The following MAST2 variants were observed in gnomAD, a reference collection of about 807,000 sequenced individuals.
The protein encoded by MAST2 is microtubule-associated serine/threonine-protein kinase 2.
A neutral mutation model predicts 147.4 loss-of-function variants in MAST2; 70 were observed. The observed-to-expected ratio is 0.47, with a 90% CI of 0.39 to 0.58. The LOEUF (loss-of-function observed/expected upper bound fraction) is 0.58, where lower values mean the gene tolerates loss of function less well. Ranked by LOEUF, MAST2 falls within the 20% of genes least tolerant of loss-of-function variation. MAST2 has a pLI of 0.00. For synonymous variants in MAST2, 869 were observed against 896.8 expected, an observed-to-expected ratio of 0.97 and a Z score of 0.55; for missense variants, 2,080 against 2,302.3, an observed-to-expected ratio of 0.90 and a Z score of 1.98.
rs368248423 is a variant in MAST2 at position 45,820,190 on chromosome 1, T to C, written c.178-4243T>C. ...GAAACTAGATCCCTATCTCTTCCCA[T>C]ATACAAAAATCAAAAATGTATTAAA... On this transcript the variant is annotated intron_variant, in intron 1 of 28. Transcript: ENST00000361297. Among the ~76,000 whole-genome samples the C allele has an allele frequency of 3.9e-4, 60 of 152,314 alleles. 1 individual carries two copies. In the South Asian group the frequency reaches 0.012, roughly 29 times the overall value.
chr1:45,913,441 C>T (rs1037478948), intron 4 of MAST2: 6 of 223,974 alleles, frequency 2.7e-5, no homozygotes, highest in Non-Finnish European at 3.7e-5. Flanking sequence ...TTTTTACTGC[C>T]GCCAGGCCTC....
intron 5 of MAST2, among the ~76,000 whole-genome samples, chr1:45,981,409 G>A (rs1015168755): frequency 6.6e-6 from 1 of 152,002 alleles, no homozygotes; most frequent in African/African-American, 2.4e-5. Context: ...GGTGGGCAGG[G>A]GGCTAGGGAA....
chr1:46,029,730 C>A, intron 19 of MAST2, 101 bp from the exon 20 acceptor site: 1 of 1,468,378 alleles, frequency 6.8e-7, no homozygotes, highest in East Asian at 2.3e-5. Flanking sequence ...GAGCTGATCC[C>A]CTAGGTATAG....
rs1553226687 is a variant in MAST2, at chr1:45,899,310, T to TTTTC, written c.500+16918_500+16919insCTTT. Among the ~76,000 whole-genome samples, 15 of 146,468 alleles carry TTTTC rather than the reference T, an allele frequency of 1.0e-4. 2 individuals are homozygous for TTTTC. The highest frequency in any genetic ancestry group is 4.3e-4 in the South Asian group (2 of 4,630). On this transcript the variant is annotated intron_variant, in intron 4 of 28. Coordinates refer to ENST00000361297, the MANE Select transcript of MAST2 (RefSeq NM_015112.3). ...AAAAATATTTTTCCTTTCTTTTCTT[T>TTTTC]TTTTTTTTTTTTTTTTTAGATTCAG...
At position 45,993,873 on chromosome 1, in the gene MAST2, C is replaced by T. The variant is rs558336988; in HGVS notation, c.593-3851C>T. The stretch of plus-strand genomic sequence containing the variant: ...CAAATTTGAGGTTTCTTACTACCTC[C>T]TGAGTTCAGTAATTCACTAGAATGA... On this transcript the variant is annotated intron_variant, in intron 5 of 28. Coordinates refer to ENST00000361297, the MANE Select transcript of MAST2 (RefSeq NM_015112.3). Among the ~76,000 whole-genome samples, 12 of 152,220 alleles carry T rather than the reference C, an allele frequency of 7.9e-5. No homozygotes were observed. In the South Asian group the frequency reaches 2.3e-3, roughly 29 times the overall value.
intron 3 of MAST2, among the ~76,000 whole-genome samples, chr1:45,860,830 C>G (rs1405315756): frequency 2.0e-5 from 3 of 151,386 alleles, no homozygotes; most frequent in Admixed American, 6.6e-5. Flanking sequence ...GAAACTCCGT[C>G]TCCAAAAAAA....
intron 3 of MAST2, among the ~76,000 whole-genome samples, chr1:45,880,225 A>G (rs1201118256): frequency 1.3e-5 from 2 of 152,246 alleles, no homozygotes; most frequent in Non-Finnish European, 2.9e-5. Context: ...TATATTATTC[A>G]TATTGCCATT....
chr1:45,970,071 C>T (rs1643857080), intron 5 of MAST2, among the ~76,000 whole-genome samples: 1 of 152,170 alleles, frequency 6.6e-6, no homozygotes, highest in Non-Finnish European at 1.5e-5. Flanking sequence ...AAGTTAGATG[C>T]AAACAAAATA....
At chr1:45,893,496 C>T (rs1454551619) in intron 4 of MAST2, among the ~76,000 whole-genome samples, 2 of 151,868 alleles carry the variant, frequency 1.3e-5, no homozygotes, top group African/African-American at 4.8e-5. Context: ...CTGCCTCAGC[C>T]TCCCAAAACG....
chr1:45,988,938 G>A (rs774127666), intron 5 of MAST2, among the ~76,000 whole-genome samples: 46 of 152,072 alleles, frequency 3.0e-4, no homozygotes, highest in Non-Finnish European at 4.6e-4. Context: ...AGAATCAGCC[G>A]TTTCTCCAAG....
Position 46,022,886 on chromosome 1 carries a change from C to A in MAST2, c.1424-24C>A, listed in dbSNP as rs759000934. 9 of 1,600,002 alleles carry A rather than the reference C, an allele frequency of 5.6e-6. 1 individual carries two copies. The highest frequency in any genetic ancestry group is 5.5e-5 in the South Asian group (5 of 90,730). ...GATACCTGACATTGCCACGCACATTCTTCTCTTGTATCTTTGTTTCCAGAA... is the reference window on the plus strand; with the variant it reads ...GATACCTGACATTGCCACGCACATTATTCTCTTGTATCTTTGTTTCCAGAA... On this transcript the variant is annotated intron_variant, in intron 12 of 28. Coordinates refer to ENST00000361297, the MANE Select transcript of MAST2 (RefSeq NM_015112.3).
Position 46,034,231 on chromosome 1 carries a change from A to G in MAST2, c.3833A>G (p.Gln1278Arg), listed in dbSNP as rs748102570. 2.5e-6 allele frequency: 4 copies of G among 1,613,724 alleles called. No individual in the cohort carries two copies. Among genetic ancestry groups the G allele is most frequent in the Non-Finnish European group, 3.4e-6 (4 of 1,179,896 alleles). The change falls in exon 28 of 29, where the codon CAA becomes CGA. Residue 1278 changes from glutamine to arginine, a missense_variant. Coordinates refer to ENST00000361297, the MANE Select transcript of MAST2 (RefSeq NM_015112.3). ...SHSLSPRSPT[Q>R]GYRVTPDAVH... ...AGCCTTTCCCCCCGATCTCCCACTC[A>G]AGGCTACCGGGTGACCCCCGATGCT... is the stretch of plus-strand genomic sequence containing the variant.
intron 4 of MAST2, among the ~76,000 whole-genome samples, chr1:45,890,691 A>G (rs1647615788): frequency 6.6e-6 from 1 of 152,242 alleles, no homozygotes; most frequent in African/African-American, 2.4e-5. Flanking sequence ...AGTTTAGTCC[A>G]TAGCAGATGG....
At chr1:45,837,443 AAT>A (rs1433018649) in intron 3 of MAST2, among the ~76,000 whole-genome samples, 8 of 152,184 alleles carry the variant, frequency 5.3e-5, no homozygotes, top group African/African-American at 1.9e-4. Flanking sequence ...TTTGAGTATC[AAT>A]AGTTTGTTCC....
chr1:45,840,667 G>A (rs1645245677), intron 3 of MAST2, among the ~76,000 whole-genome samples: 1 of 152,124 alleles, frequency 6.6e-6, no homozygotes, highest in Non-Finnish European at 1.5e-5. Flanking sequence ...TCCCTACATA[G>A]TGAACTATAA....
At chr1:45,864,014 G>A (rs867301498) in intron 3 of MAST2, among the ~76,000 whole-genome samples, 11 of 152,240 alleles carry the variant, frequency 7.2e-5, no homozygotes, top group Non-Finnish European at 1.2e-4. Flanking sequence ...AAGTTTAAAC[G>A]TTGCTTATGG....
intron 3 of MAST2, among the ~76,000 whole-genome samples, chr1:45,830,013 C>G (rs548358821): frequency 4.0e-5 from 6 of 151,664 alleles, no homozygotes; most frequent in African/African-American, 1.5e-4. Context: ...CGCCACCACC[C>G]CTGGCTAATT....
intron 4 of MAST2, among the ~76,000 whole-genome samples, chr1:45,893,311 C>T (rs1648163276): frequency 6.6e-6 from 1 of 152,154 alleles, no homozygotes; most frequent in South Asian, 2.1e-4. Context: ...AGCGATCCTC[C>T]TGTTTCAGCT....
chr1:45,869,391 A>G (rs1646288794), intron 3 of MAST2, among the ~76,000 whole-genome samples: 1 of 152,214 alleles, frequency 6.6e-6, no homozygotes, highest in Non-Finnish European at 1.5e-5. Context: ...ATTTACAGTT[A>G]CATCCCTTGA....
Sources: gnomAD v4.1 joint callset for allele counts (sites outside exome capture counted in the v4.1 genomes callset) on GRCh38, gnomAD v4.1.1 for gene constraint, MANE v1.5 for transcripts, NCBI Gene and HGNC (gene_info 2026-07-23, HGNC 2026-07-21) for gene names.